Variants in MEIKIN observed in about 807,000 individuals in gnomAD.
MEIKIN encodes the protein meiosis-specific kinetochore protein.
intron 9 of MEIKIN, among the ~76,000 whole-genome samples, chr5:131,872,830 TG>T (rs1750531351): frequency 2.0e-5 from 3 of 152,106 alleles, no homozygotes; most frequent in Admixed American, 2.0e-4. Flanking sequence ...CAGAAGAGAG[TG>T]GGGGCCAATA....
At chr5:131,825,559 A>C (rs1749596447) in intron 11 of MEIKIN, among the ~76,000 whole-genome samples, 1 of 152,208 alleles carries the variant, frequency 6.6e-6, no homozygotes, top group African/African-American at 2.4e-5. Context: ...GGTCAGTCAC[A>C]CAGGCATGTA....
chr5:131,854,775 A>C lies in MEIKIN; in HGVS notation c.834T>G (p.Ser278=), dbSNP rs1750167503. 2.5e-6 allele frequency: 1 copy of C among 397,842 alleles called. No homozygotes were observed. Among genetic ancestry groups the C allele is most frequent in the Admixed American group, 4.4e-5 (1 of 22,708 alleles). The allele number at this position is 397,842 out of a possible 1,614,324, so 24.6% of individuals were successfully genotyped here. A position where few individuals can be genotyped will look rare whatever the true frequency, so the allele number is the denominator to read the frequency against. The change falls in exon 10 of 13, where the codon TCT becomes TCG. Residue 278 remains serine (S), a synonymous_variant. Transcript: ENST00000442687. ...TTACCACAAAACCAGCTGTCTCTGA[A>C]GATGGAGTACTTGTTAAAAGGCCTC... The part of the protein sequence containing the change: ...KNRGLLTSTP[S]SETAGFVIDL...
chr5:131,866,823 G>T (rs1043707776), intron 9 of MEIKIN, among the ~76,000 whole-genome samples: 1 of 152,018 alleles, frequency 6.6e-6, no homozygotes, highest in African/African-American at 2.4e-5. Flanking sequence ...TTTTTTTATT[G>T]CTTTTGGCTA....
chr5:131,923,503 TTTTC>T (rs1452059039), intron 5 of MEIKIN, among the ~76,000 whole-genome samples: 6 of 151,834 alleles, frequency 4.0e-5, no homozygotes, highest in Non-Finnish European at 5.9e-5. Flanking sequence ...TAATCTTTTT[TTTTC>T]TTTATTTTCT....
chr5:131,840,949 T>C (rs1056200219), intron 11 of MEIKIN, among the ~76,000 whole-genome samples: 2 of 152,236 alleles, frequency 1.3e-5, no homozygotes, highest in Non-Finnish European at 2.9e-5. Flanking sequence ...TCAGTTTTCA[T>C]GCGCTGGTTC....
At chr5:131,847,931 G>A (rs1750046337) in intron 11 of MEIKIN, among the ~76,000 whole-genome samples, 1 of 151,218 alleles carries the variant, frequency 6.6e-6, no homozygotes, top group African/African-American at 2.4e-5. Context: ...AAACACCAAT[G>A]GGCCAAAGTA....
rs569219029 is a variant in MEIKIN, at chr5:131,820,293, C to A, written c.976-1430G>T. Among the ~76,000 whole-genome samples, 5 of 151,736 alleles carry A rather than the reference C, an allele frequency of 3.3e-5. No homozygotes were observed. In the East Asian group the frequency reaches 7.8e-4, roughly 24 times the overall value. ...TTCAGCATGTTGGCCAGACTGGTCT[C>A]GAACTCCTGACCTCAGATGATCACC... On this transcript the variant is annotated intron_variant, in intron 11 of 12. Coordinates refer to ENST00000442687, the MANE Select transcript of MEIKIN (RefSeq NM_001303622.2).
At chr5:131,935,680 A>G (rs1751765838) in intron 4 of MEIKIN, among the ~76,000 whole-genome samples, 1 of 152,164 alleles carries the variant, frequency 6.6e-6, no homozygotes, top group African/African-American at 2.4e-5. Flanking sequence ...CCTGGAACTA[A>G]CTTACACCTA....
intron 4 of MEIKIN, among the ~76,000 whole-genome samples, chr5:131,937,562 G>A (rs1027150513): frequency 2.0e-5 from 3 of 151,688 alleles, no homozygotes; most frequent in Admixed American, 6.6e-5. Context: ...AGAAAGGCTC[G>A]TTATATGAGT....
chr5:131,831,163 G>T (rs1749709912), intron 11 of MEIKIN, among the ~76,000 whole-genome samples: 1 of 152,190 alleles, frequency 6.6e-6, no homozygotes, highest in Admixed American at 6.5e-5. Flanking sequence ...CTCCCAAAGT[G>T]CTGGGATTAC....
At position 131,891,615 on chromosome 5, in the gene MEIKIN, A is replaced by G. The variant is rs544316843; in HGVS notation, c.704-12567T>C. 5.3e-5 allele frequency among the ~76,000 whole-genome samples: 8 copies of G among 152,198 alleles called. 1 individual carries two copies. In the South Asian group the frequency reaches 1.2e-3, roughly 24 times the overall value. On this transcript the variant is annotated intron_variant, in intron 8 of 12. Transcript: ENST00000442687. ...TTATTTTGAGCCTATGTGTCTCTGCATGTGAGATGGGTTTCCTGAATACAG... is the reference window on the plus strand; with the variant it reads ...TTATTTTGAGCCTATGTGTCTCTGCGTGTGAGATGGGTTTCCTGAATACAG...
chr5:131,932,476 A>G (rs1010324149), intron 5 of MEIKIN, among the ~76,000 whole-genome samples: 1 of 152,160 alleles, frequency 6.6e-6, no homozygotes, highest in African/African-American at 2.4e-5. Context: ...TTCTCATGAT[A>G]ATGCCAAAAG....
At chr5:131,867,789 C>T (rs1187100724) in intron 9 of MEIKIN, among the ~76,000 whole-genome samples, 1 of 152,156 alleles carries the variant, frequency 6.6e-6, no homozygotes. Flanking sequence ...AGAACATTTT[C>T]GTTGCTTCCA....
intron 12 of MEIKIN, among the ~76,000 whole-genome samples, chr5:131,813,403 G>C (rs1773038017): frequency 6.6e-6 from 1 of 150,860 alleles, no homozygotes; most frequent in Non-Finnish European, 1.5e-5. Context: ...GTTGAAAGGA[G>C]AAATAACCAG....
At chr5:131,927,783 T>C (rs991505976) in intron 5 of MEIKIN, among the ~76,000 whole-genome samples, 3 of 152,158 alleles carry the variant, frequency 2.0e-5, no homozygotes, top group Non-Finnish European at 4.4e-5. Flanking sequence ...CACCCTCCTC[T>C]CTTTTGGTTA....
chr5:131,858,085 G>A (rs141088745), intron 9 of MEIKIN, among the ~76,000 whole-genome samples: 9 of 152,314 alleles, frequency 5.9e-5, no homozygotes, highest in African/African-American at 1.2e-4. Context: ...CAGGAACACC[G>A]GGCCCCTCCA....
At chr5:131,872,110 T>C (rs1344396942) in intron 9 of MEIKIN, among the ~76,000 whole-genome samples, 2 of 152,020 alleles carry the variant, frequency 1.3e-5, no homozygotes, top group African/African-American at 2.4e-5. Context: ...TCCAAAGGAA[T>C]GCAGCTCCTC....
intron 8 of MEIKIN, among the ~76,000 whole-genome samples, chr5:131,909,870 A>G (rs992053926): frequency 2.6e-5 from 4 of 152,202 alleles, no homozygotes; most frequent in African/African-American, 4.8e-5. Context: ...CTACAATGTC[A>G]TATCATCTTA....
At chr5:131,843,900 T>C (rs769556262) in intron 11 of MEIKIN, among the ~76,000 whole-genome samples, 13 of 152,226 alleles carry the variant, frequency 8.5e-5, no homozygotes, top group Non-Finnish European at 1.9e-4. Flanking sequence ...TGTATTAGTC[T>C]GTTCTCACAT....
Sources: gnomAD v4.1 joint callset for allele counts (sites outside exome capture counted in the v4.1 genomes callset) on GRCh38, gnomAD v4.1.1 for gene constraint, MANE v1.5 for transcripts, NCBI Gene and HGNC (gene_info 2026-07-23, HGNC 2026-07-21) for gene names.